The following APP variants were observed in gnomAD, a reference collection of about 807,000 sequenced individuals.
The protein encoded by APP is amyloid-beta precursor protein.
APP carries 31 observed loss-of-function variants against 101.4 expected under a neutral mutation model. The ratio of observed to expected loss-of-function variants is 0.31; its 90% CI spans 0.23 to 0.41. The LOEUF is 0.41. Ranked by LOEUF, APP falls within the 10% of genes least tolerant of loss-of-function variation. The probability of loss-of-function intolerance (pLI) is 1.00; values close to 1 mark genes in which losing one functional copy is unlikely to be tolerated. For missense variants in APP, 839 were observed against 1,003.7 expected, an observed-to-expected ratio of 0.84 and a Z score of 2.22; for synonymous variants, 366 against 364.4, an observed-to-expected ratio of 1.00 and a Z score of -0.05.
At chr21:26,129,713 A>G (rs911378983) in intron 1 of APP, among the ~76,000 whole-genome samples, 9 of 152,176 alleles carry the variant, frequency 5.9e-5, no homozygotes, top group African/African-American at 1.7e-4. Context: ...AAAGTAGAAG[A>G]CATGGATATC....
At chr21:26,037,405 T>G (rs2045165081) in intron 5 of APP, among the ~76,000 whole-genome samples, 1 of 152,224 alleles carries the variant, frequency 6.6e-6, no homozygotes, top group Non-Finnish European at 1.5e-5. Context: ...GATACATGCC[T>G]GAGATGAATA....
chr21:26,084,566 C>A (rs2061667130), intron 3 of APP, among the ~76,000 whole-genome samples: 1 of 152,058 alleles, frequency 6.6e-6, no homozygotes, highest in Non-Finnish European at 1.5e-5. Context: ...GGTGTTCTTG[C>A]TTAATCAAAT....
intron 13 of APP, chr21:25,941,180 G>GC (rs2040561958): frequency 2.0e-5 from 3 of 152,180 alleles, no homozygotes; most frequent in African/African-American, 7.2e-5. Context: ...TTGGGGATGG[G>GC]CATTATAGGC....
intron 11 of APP, among the ~76,000 whole-genome samples, chr21:25,956,424 A>G (rs1349613961): frequency 6.6e-6 from 1 of 152,142 alleles, no homozygotes; most frequent in East Asian, 1.9e-4. Context: ...GTTCCATTTC[A>G]TTTTTATTTT....
chr21:26,136,898 C>G (rs1242272753), intron 1 of APP, among the ~76,000 whole-genome samples: 1 of 152,172 alleles, frequency 6.6e-6, no homozygotes, highest in African/African-American at 2.4e-5. Context: ...TTCCTTAGAC[C>G]ATTCGTCTTC....
chr21:25,972,203 A>G (rs1601075549), intron 11 of APP, among the ~76,000 whole-genome samples: 1 of 152,214 alleles, frequency 6.6e-6, no homozygotes, highest in African/African-American at 2.4e-5. Context: ...TTCTATATAC[A>G]ACAACTACAG....
chr21:25,894,190 C>T (rs1054345188), intron 16 of APP, among the ~76,000 whole-genome samples: 1 of 152,178 alleles, frequency 6.6e-6, no homozygotes, highest in African/African-American at 2.4e-5. Flanking sequence ...CACCTAGTCA[C>T]CCAAGAGCTC....
intron 6 of APP, 32 bp downstream of exon 6, chr21:26,021,808 G>T: frequency 6.2e-7 from 1 of 1,609,192 alleles, no homozygotes; most frequent in Non-Finnish European, 8.5e-7. Flanking sequence ...TTTCCTTGGG[G>T]GTGGGGGGAA....
chr21:25,990,336 C>T (rs972832786), intron 8 of APP, among the ~76,000 whole-genome samples: 12 of 152,294 alleles, frequency 7.9e-5, no homozygotes, highest in African/African-American at 2.2e-4. Context: ...TGTGAAGGAA[C>T]GAATGCTGGC....
intron 17 of APP, among the ~76,000 whole-genome samples, chr21:25,888,183 TGAA>T (rs1056902863): frequency 1.3e-5 from 2 of 152,234 alleles, no homozygotes; most frequent in African/African-American, 4.8e-5. Flanking sequence ...TACTGATTAA[TGAA>T]GGTTAGCCAG....
At chr21:26,066,299 G>A (rs1474580046) in intron 3 of APP, among the ~76,000 whole-genome samples, 1 of 152,082 alleles carries the variant, frequency 6.6e-6, no homozygotes, top group African/African-American at 2.4e-5. Flanking sequence ...AAAATTTTAA[G>A]TTACAAGTTA....
chr21:26,073,584 G>T (rs1168915685), intron 3 of APP, among the ~76,000 whole-genome samples: 1 of 152,214 alleles, frequency 6.6e-6, no homozygotes, highest in Non-Finnish European at 1.5e-5. Context: ...GAGGGTGGAA[G>T]TTAAAGGAAT....
intron 6 of APP, among the ~76,000 whole-genome samples, chr21:26,016,944 C>A (rs1007605520): frequency 5.8e-5 from 3 of 52,002 alleles, no homozygotes; most frequent in African/African-American, 9.7e-5. Context: ...GGGCGGGGGG[C>A]GGGGGGCGGG....
intron 5 of APP, among the ~76,000 whole-genome samples, chr21:26,045,083 A>AT: frequency 6.6e-6 from 1 of 152,308 alleles, no homozygotes; most frequent in East Asian, 1.9e-4. Flanking sequence ...CTCTAAGGTG[A>AT]TTAGAAGAGA....
At chr21:26,111,479 C>G (rs1214554593) in intron 2 of APP, among the ~76,000 whole-genome samples, 1 of 152,008 alleles carries the variant, frequency 6.6e-6, no homozygotes, top group Non-Finnish European at 1.5e-5. Flanking sequence ...GGCTCATACC[C>G]GTAATCTCAG....
rs759926843 is a variant in APP at position 25,911,791 on chromosome 21, G to A, written c.1859C>T (p.Pro620Leu). The change falls in exon 14 of 18, where the codon CCG becomes CTG. Residue 620 changes from proline to leucine, a missense_variant. Pro to Leu is a moderately conservative substitution (Grantham distance 98, BLOSUM62 -3). Coordinates refer to ENST00000346798, the MANE Select transcript of APP (RefSeq NM_000484.4). ...NGEFSLDDLQ[P>L]WHSFGADSVP... is the part of the protein sequence containing the mutation. The stretch of plus-strand genomic sequence containing the variant: ...AGAGTCAGCCCCAAAAGAATGCCAC[G>A]GCTGGAGATCGTCCAGGCTGAACTC... 70 of 1,613,940 alleles carry A rather than the reference G, an allele frequency of 4.3e-5. No homozygotes were observed. The highest frequency in any genetic ancestry group is 1.6e-4 in the Middle Eastern group (1 of 6,082).
chr21:26,093,404 TC>T lies in APP; in HGVS notation c.226-3333del, dbSNP rs574618071. 6.6e-5 allele frequency among the ~76,000 whole-genome samples: 10 copies of T among 152,330 alleles called. No homozygotes were observed. In the East Asian group the frequency reaches 1.7e-3, roughly 26 times the overall value. On this transcript the variant is annotated intron_variant, in intron 2 of 17. Coordinates refer to ENST00000346798, the MANE Select transcript of APP (RefSeq NM_000484.4). ...GAATTTCCTCAGGAGTCATCGGTTT[TC>T]TATAAACCCAGTGGCAGGCATATTC... is the stretch of plus-strand genomic sequence containing the variant.
intron 1 of APP, among the ~76,000 whole-genome samples, chr21:26,150,989 G>A (rs1008325432): frequency 8.5e-5 from 13 of 152,222 alleles, no homozygotes; most frequent in Admixed American, 7.8e-4. Flanking sequence ...ACTGACCACA[G>A]AAACGGCAGT....
chr21:25,881,260 G>A lies in APP; in HGVS notation c.*410C>T, dbSNP rs558948870. 3.5e-5 allele frequency: 9 copies of A among 253,598 alleles called. No homozygotes were observed. Among genetic ancestry groups the A allele is most frequent in the South Asian group, 1.5e-4 (3 of 20,324 alleles). 15.7% of individuals were successfully genotyped at this position (253,598 alleles called of 1,614,324 possible). A position where few individuals can be genotyped will look rare whatever the true frequency, so the allele number is the denominator to read the frequency against. ...GCAAGAGAAGCAGCTGAACTCCCAC[G>A]TTCACATGAAGCATCCCCCATCGAT... On this transcript the variant is annotated 3_prime_UTR_variant, in exon 18 of 18. Transcript: ENST00000346798.
Sources: allele counts gnomAD v4.1 joint callset (sites outside exome capture counted in the v4.1 genomes callset), GRCh38; gene constraint gnomAD v4.1.1; transcripts MANE v1.5; gene names NCBI Gene and HGNC (gene_info 2026-07-23, HGNC 2026-07-21).